The following CDH12 variants were observed in gnomAD, a reference collection of about 807,000 sequenced individuals.
CDH12 encodes cadherin 12.
Under a neutral mutation model 74.1 loss-of-function variants are expected in CDH12, and 41 were observed. The ratio of observed to expected loss-of-function variants is 0.55; its 90% CI spans 0.43 to 0.72. The LOEUF (loss-of-function observed/expected upper bound fraction) is 0.72, where lower values mean the gene tolerates loss of function less well. Among genes scored for constraint, CDH12 ranks in the 30% least tolerant of loss-of-function variants. The pLI is 0.00. For missense variants in CDH12, 945 were observed against 977.2 expected, an observed-to-expected ratio of 0.97 and a Z score of 0.44; for synonymous variants, 399 against 355.0, an observed-to-expected ratio of 1.12 and a Z score of -1.39.
At chr5:22,720,781 T>C (rs1430190836) in intron 1 of CDH12, among the ~76,000 whole-genome samples, 1 of 152,092 alleles carries the variant, frequency 6.6e-6, no homozygotes, top group East Asian at 1.9e-4. Context: ...AGGAACTCAT[T>C]GGGAAGTGGA....
At chr5:22,447,299 ATT>A (rs2126554170) in intron 2 of CDH12, among the ~76,000 whole-genome samples, 1 of 152,146 alleles carries the variant, frequency 6.6e-6, no homozygotes, top group African/African-American at 2.4e-5. Flanking sequence ...TTACAAGGTT[ATT>A]GGATGACTTT....
intron 6 of CDH12, among the ~76,000 whole-genome samples, chr5:21,938,764 T>A (rs1457980619): frequency 8.1e-6 from 1 of 123,432 alleles, no homozygotes; most frequent in Non-Finnish European, 1.6e-5. Flanking sequence ...TACATATCAG[T>A]GCTCTGTCAA....
intron 1 of CDH12, among the ~76,000 whole-genome samples, chr5:22,739,465 G>A (rs567553992): frequency 9.2e-5 from 14 of 151,878 alleles, no homozygotes; most frequent in Non-Finnish European, 1.6e-4. Context: ...AATATTTTAG[G>A]AGAAGACTAA....
chr5:22,011,316 CAG>C (rs1737281150), intron 5 of CDH12, among the ~76,000 whole-genome samples: 2 of 152,160 alleles, frequency 1.3e-5, no homozygotes, highest in African/African-American at 4.8e-5. Context: ...TACAAAGACT[CAG>C]AGGGGGAAAT....
At chr5:22,308,176 T>C (rs957290799) in intron 3 of CDH12, among the ~76,000 whole-genome samples, 1 of 152,080 alleles carries the variant, frequency 6.6e-6, no homozygotes, top group African/African-American at 2.4e-5. Context: ...CCCCCGCGCC[T>C]GGCCTAGATT....
At chr5:22,346,136 A>G (rs1457869565) in intron 3 of CDH12, among the ~76,000 whole-genome samples, 2 of 151,354 alleles carry the variant, frequency 1.3e-5, no homozygotes, top group Non-Finnish European at 2.9e-5. Flanking sequence ...AGAATATGGA[A>G]CTAGTTGTCA....
At position 21,891,442 on chromosome 5, in the gene CDH12, T is replaced by C. The variant is rs530298005; in HGVS notation, c.527-36652A>G. Among the ~76,000 whole-genome samples the C allele has an allele frequency of 6.6e-5, 10 of 152,142 alleles. No homozygotes were observed. In the South Asian group the frequency reaches 2.1e-3, roughly 32 times the overall value. On this transcript the variant is annotated intron_variant, in intron 6 of 14. Coordinates refer to ENST00000382254, the MANE Select transcript of CDH12 (RefSeq NM_004061.5). ...CTCATTTTGCTTTCCATTACAGAGA[T>C]GACAAAAACAGCTAGAGATCATGAA... is the stretch of plus-strand genomic sequence containing the variant.
chr5:22,444,012 T>C (rs1375208052), intron 2 of CDH12, among the ~76,000 whole-genome samples: 3 of 152,026 alleles, frequency 2.0e-5, no homozygotes, highest in African/African-American at 4.8e-5. Context: ...AGAGCAACAA[T>C]AGGATTGAGT....
intron 4 of CDH12, among the ~76,000 whole-genome samples, chr5:22,164,244 ATCT>A (rs1748535231): frequency 6.6e-6 from 1 of 152,126 alleles, no homozygotes; most frequent in Non-Finnish European, 1.5e-5. Context: ...AAGGAATGGA[ATCT>A]TGGGCCATGC....
intron 3 of CDH12, among the ~76,000 whole-genome samples, chr5:22,403,901 A>T (rs1318004216): frequency 6.6e-6 from 1 of 152,160 alleles, no homozygotes; most frequent in East Asian, 1.9e-4. Flanking sequence ...TCATTACACA[A>T]TTAAATTATA....
At chr5:22,364,473 T>C (rs1398499326) in intron 3 of CDH12, among the ~76,000 whole-genome samples, 2 of 152,164 alleles carry the variant, frequency 1.3e-5, no homozygotes, top group African/African-American at 2.4e-5. Flanking sequence ...CCTTCAGCAG[T>C]TGGTGTTCAC....
chr5:22,780,902 G>T (rs1182222918), intron 1 of CDH12, among the ~76,000 whole-genome samples: 1 of 152,094 alleles, frequency 6.6e-6, no homozygotes, highest in Non-Finnish European at 1.5e-5. Flanking sequence ...AGCAGTAATA[G>T]GAACAGCTCA....
chr5:21,983,962 T>G (rs1757414624), intron 5 of CDH12, among the ~76,000 whole-genome samples: 1 of 152,178 alleles, frequency 6.6e-6, no homozygotes, highest in South Asian at 2.1e-4. Flanking sequence ...CTTGAAACTT[T>G]TTGAAAACTC....
At chr5:22,374,681 G>T (rs980544464) in intron 3 of CDH12, among the ~76,000 whole-genome samples, 2 of 151,736 alleles carry the variant, frequency 1.3e-5, no homozygotes, top group Non-Finnish European at 2.9e-5. Flanking sequence ...ACCTGGGAAA[G>T]AAATCAAGAA....
chr5:22,165,289 TC>T (rs1476872863), intron 4 of CDH12, among the ~76,000 whole-genome samples: 2 of 152,172 alleles, frequency 1.3e-5, no homozygotes, highest in Non-Finnish European at 2.9e-5. Flanking sequence ...CCCTTCACTT[TC>T]TCCATGACAG....
At chr5:22,042,825 G>A (rs778566501) in intron 5 of CDH12, among the ~76,000 whole-genome samples, 8 of 149,084 alleles carry the variant, frequency 5.4e-5, no homozygotes, top group Non-Finnish European at 5.9e-5. Context: ...GGGAAGTTGC[G>A]GCTCCAGTAA....
intron 3 of CDH12, among the ~76,000 whole-genome samples, chr5:22,377,536 C>T (rs1483347182): frequency 1.3e-5 from 2 of 152,234 alleles, no homozygotes; most frequent in African/African-American, 2.4e-5. Flanking sequence ...TGTCATGAGC[C>T]TGACTCTTAT....
chr5:22,793,754 T>G (rs74520494), intron 1 of CDH12, among the ~76,000 whole-genome samples: 2 of 122,018 alleles, frequency 1.6e-5, no homozygotes, highest in African/African-American at 6.6e-5. Context: ...TCTTTAACTG[T>G]TTTTTTTTTT....
chr5:22,692,035 T>C (rs529908014), intron 1 of CDH12, among the ~76,000 whole-genome samples: 2 of 152,298 alleles, frequency 1.3e-5, no homozygotes, highest in East Asian at 3.9e-4. Context: ...TCCCCAATGT[T>C]AGAGGTGGTA....
Sources: allele counts gnomAD v4.1 joint callset (sites outside exome capture counted in the v4.1 genomes callset), GRCh38; gene constraint gnomAD v4.1.1; transcripts MANE v1.5; gene names NCBI Gene and HGNC (gene_info 2026-07-23, HGNC 2026-07-21).